RALGPS1: variants seen among roughly 807,000 people sequenced by gnomAD.
The protein encoded by RALGPS1 is ras-specific guanine nucleotide-releasing factor RalGPS1.
RALGPS1 carries 19 observed loss-of-function variants against 78.8 expected under a neutral mutation model. The ratio of observed to expected loss-of-function variants is 0.24; its 90% CI spans 0.17 to 0.35. The LOEUF is 0.35. RALGPS1 is among the 10% of genes least tolerant of loss of function. The pLI is 1.00. For missense variants in RALGPS1, 454 were observed against 688.3 expected (o/e 0.66, Z 3.81); for synonymous variants, 228 against 256.3 (o/e 0.89, Z 1.06).
chr9:127,204,575 C>T (rs1388765854), intron 14 of RALGPS1, among the ~76,000 whole-genome samples: 1 of 152,094 alleles, frequency 6.6e-6, no homozygotes, highest in Non-Finnish European at 1.5e-5. Context: ...CAAATTTCTA[C>T]CAGCACCTGC....
intron 5 of RALGPS1, among the ~76,000 whole-genome samples, chr9:127,035,988 C>T (rs540546172): frequency 5.3e-5 from 8 of 152,106 alleles, no homozygotes; most frequent in Non-Finnish European, 7.4e-5. Flanking sequence ...ACTCAGTCCC[C>T]ACCTCTGACC....
rs543004301 is a variant in RALGPS1 at position 127,137,572 on chromosome 9, A to G, written c.611-28497A>G. ...GGACACAGCTGCAGCCTTTGGTCCC[A>G]TGAGCCATTTCAGGATTCTTGCCGT... On this transcript the variant is annotated intron_variant, in intron 8 of 18. Coordinates refer to ENST00000259351, the MANE Select transcript of RALGPS1 (RefSeq NM_014636.3). Among the ~76,000 whole-genome samples, 8 of 152,358 alleles carry G rather than the reference A, an allele frequency of 5.3e-5. No homozygotes were observed. In the South Asian group the frequency reaches 1.0e-3, roughly 20 times the overall value.
At chr9:127,127,349 C>T (rs1477159987) in intron 8 of RALGPS1, among the ~76,000 whole-genome samples, 2 of 152,116 alleles carry the variant, frequency 1.3e-5, no homozygotes, top group Non-Finnish European at 2.9e-5. Flanking sequence ...TTGTTATTGA[C>T]CAGAGTAGTT....
At chr9:127,115,223 C>T (rs1192778934) in intron 8 of RALGPS1, among the ~76,000 whole-genome samples, 1 of 151,984 alleles carries the variant, frequency 6.6e-6, no homozygotes, top group African/African-American at 2.4e-5. Context: ...GAGTTTCGCT[C>T]TTGTCACCCA....
At chr9:126,940,704 T>C (rs188721280) in intron 1 of RALGPS1, among the ~76,000 whole-genome samples, 4 of 152,246 alleles carry the variant, frequency 2.6e-5, no homozygotes, top group Non-Finnish European at 4.4e-5. Flanking sequence ...TATATTCTTA[T>C]GCTGTTGTGT....
intron 7 of RALGPS1, among the ~76,000 whole-genome samples, chr9:127,066,163 C>T (rs2049682082): frequency 6.6e-6 from 1 of 152,216 alleles, no homozygotes; most frequent in Admixed American, 6.5e-5. Context: ...GGCAGTCCCC[C>T]AGCTGAGACC....
intron 8 of RALGPS1, among the ~76,000 whole-genome samples, chr9:127,096,719 A>T (rs1463006581): frequency 6.6e-6 from 1 of 152,240 alleles, no homozygotes; most frequent in East Asian, 1.9e-4. Flanking sequence ...ATTCAGAAAA[A>T]TGCACAGACT....
chr9:127,004,807 C>CA (rs2043680045), intron 4 of RALGPS1, among the ~76,000 whole-genome samples: 1 of 152,146 alleles, frequency 6.6e-6, no homozygotes, highest in East Asian at 1.9e-4. Flanking sequence ...ACGACATCTG[C>CA]AAAGGAGAAG....
At chr9:127,100,866 C>A (rs1036332569) in intron 8 of RALGPS1, among the ~76,000 whole-genome samples, 3 of 152,190 alleles carry the variant, frequency 2.0e-5, no homozygotes, top group African/African-American at 7.2e-5. Flanking sequence ...CATTGGTGAC[C>A]TTTTAATCTT....
At chr9:127,124,685 G>A (rs375919633) in intron 8 of RALGPS1, among the ~76,000 whole-genome samples, 2 of 152,336 alleles carry the variant, frequency 1.3e-5, no homozygotes, top group African/African-American at 2.4e-5. Context: ...TTGTGGCTGA[G>A]GAGAGAAGAT....
chr9:127,104,482 A>G (rs1284126930), intron 8 of RALGPS1, among the ~76,000 whole-genome samples: 2 of 152,234 alleles, frequency 1.3e-5, no homozygotes, highest in Non-Finnish European at 2.9e-5. Context: ...AGATAGGGCC[A>G]TTTGGCCCAG....
intron 8 of RALGPS1, among the ~76,000 whole-genome samples, chr9:127,073,972 C>A (rs536307920): frequency 1.1e-4 from 16 of 152,296 alleles, no homozygotes; most frequent in Non-Finnish European, 1.5e-4. Flanking sequence ...ACCTCTGCCT[C>A]CCGGGTTCAA....
intron 7 of RALGPS1, among the ~76,000 whole-genome samples, 171 bp downstream of exon 7, chr9:127,053,110 C>G (rs2048429615): frequency 6.6e-6 from 1 of 152,198 alleles, no homozygotes; most frequent in Non-Finnish European, 1.5e-5. Context: ...GACCCCAGCC[C>G]CATTTTGGCA....
chr9:126,930,079 C>T (rs2035656153), intron 1 of RALGPS1, among the ~76,000 whole-genome samples: 2 of 151,998 alleles, frequency 1.3e-5, no homozygotes, highest in South Asian at 4.1e-4. Flanking sequence ...TGCTTCTCTG[C>T]CTCAGCCTTC....
At chr9:127,024,547 G>A (rs983215808) in intron 4 of RALGPS1, among the ~76,000 whole-genome samples, 1 of 151,706 alleles carries the variant, frequency 6.6e-6, no homozygotes, top group South Asian at 2.1e-4. Flanking sequence ...GACTCTTAAA[G>A]TTGAAAACCA....
intron 2 of RALGPS1, 140 bp from the exon 3 acceptor site, chr9:126,965,704 G>C: frequency 1.6e-6 from 1 of 625,538 alleles, no homozygotes. Context: ...GCCTGGACTG[G>C]GGTAAAGCTC....
At chr9:127,041,874 C>T (rs929837800) in intron 5 of RALGPS1, among the ~76,000 whole-genome samples, 1 of 152,078 alleles carries the variant, frequency 6.6e-6, no homozygotes, top group Non-Finnish European at 1.5e-5. Context: ...CAGTTGGCCT[C>T]CTCCTAATAT....
chr9:126,981,169 C>A (rs923153905), intron 4 of RALGPS1, among the ~76,000 whole-genome samples: 6 of 152,140 alleles, frequency 3.9e-5, no homozygotes, highest in Non-Finnish European at 8.8e-5. Flanking sequence ...CCTTGGAGAT[C>A]TGAAAGGCTT....
At chr9:127,176,107 G>A (rs1346019571) in intron 11 of RALGPS1, among the ~76,000 whole-genome samples, 1 of 152,130 alleles carries the variant, frequency 6.6e-6, no homozygotes, top group Non-Finnish European at 1.5e-5. Context: ...TGATATCTTA[G>A]AGAGACATGC....
Sources: allele counts gnomAD v4.1 joint callset (sites outside exome capture counted in the v4.1 genomes callset), GRCh38; gene constraint gnomAD v4.1.1; transcripts MANE v1.5; gene names NCBI Gene and HGNC (gene_info 2026-07-23, HGNC 2026-07-21).